Variants in HMGXB4 observed in about 807,000 individuals in gnomAD.
HMGXB4 encodes HMG domain-containing protein 4.
Under a neutral mutation model 63.9 loss-of-function variants are expected in HMGXB4, and 27 were observed. That is an observed-to-expected ratio of 0.42 (90% confidence interval 0.31 to 0.58). The LOEUF is 0.58. Among genes scored for constraint, HMGXB4 ranks in the 20% least tolerant of loss-of-function variants. The probability of loss-of-function intolerance (pLI) is 0.13; values close to 1 mark genes in which losing one functional copy is unlikely to be tolerated. For synonymous variants in HMGXB4, 264 were observed against 265.3 expected, an observed-to-expected ratio of 0.99 and a Z score of 0.05; for missense variants, 624 against 700.7, an observed-to-expected ratio of 0.89 and a Z score of 1.24.
intron 2 of HMGXB4, chr22:35,262,769 T>C: frequency 2.0e-6 from 1 of 512,674 alleles, no homozygotes; most frequent in South Asian, 2.4e-5. Context: ...ATCCTTATTC[T>C]TTTCAGCCTT....
At chr22:35,248,009 T>C in the HMGXB4 span, among the ~76,000 whole-genome samples, 1 of 152,146 alleles carries the variant, frequency 6.6e-6, no homozygotes, top group Admixed American at 6.5e-5. Context: ...GGATACATGG[T>C]ATGGCCTATT....
At chr22:35,243,449 A>G in the HMGXB4 span, among the ~76,000 whole-genome samples, 1 of 152,220 alleles carries the variant, frequency 6.6e-6, no homozygotes. Flanking sequence ...TTTACCAGCT[A>G]TCTGGGCATC....
At chr22:35,257,689 C>T (rs1922516730) in intron 1 of HMGXB4, 132 bp downstream of exon 1, 2 of 152,366 alleles carry the variant, frequency 1.3e-5, no homozygotes. Context: ...CCTTCGCGGC[C>T]TAGCCCAGGG....
At position 35,263,337 on chromosome 22, in the gene HMGXB4, G is replaced by A. The variant is rs201805032; in HGVS notation, c.180+111G>A. ...TTTCTCTCATGGCCCAGGCTTGAAT[G>A]CAATGGCACAATCTCTGCTCACTGC... is the stretch of plus-strand genomic sequence containing the variant. On this transcript the variant is annotated intron_variant, in intron 3 of 10. Transcript: ENST00000216106. 99 of 812,446 alleles carry A rather than the reference G, an allele frequency of 1.2e-4. 1 individual carries two copies. In the East Asian group the frequency reaches 2.7e-3, roughly 22 times the overall value. The allele number at this position is 812,446 out of a possible 1,614,324, so 50.3% of individuals were successfully genotyped here. A position where few individuals can be genotyped will look rare whatever the true frequency, so the allele number is the denominator to read the frequency against.
At chr22:35,257,590 CT>C (rs1922503524) in intron 1 of HMGXB4, 33 bp downstream of exon 1, 1 of 152,522 alleles carries the variant, frequency 6.6e-6, no homozygotes, top group Non-Finnish European at 1.5e-5. Context: ...GGAGACCGGG[CT>C]GGGCCCCCAC....
At chr22:35,283,324 A>C (rs931058538) in intron 5 of HMGXB4, among the ~76,000 whole-genome samples, 3 of 152,234 alleles carry the variant, frequency 2.0e-5, no homozygotes, top group Admixed American at 2.0e-4. Context: ...AGAAAAATAG[A>C]CACCCCAGGA....
At chr22:35,263,424 C>T (rs1922994809) in intron 3 of HMGXB4, among the ~76,000 whole-genome samples, 198 bp downstream of exon 3, 3 of 151,928 alleles carry the variant, frequency 2.0e-5, no homozygotes, top group East Asian at 1.9e-4. Flanking sequence ...GCTGGAATTA[C>T]AGGCGCGGGC....
chr22:35,260,877 A>G (rs73883579), intron 1 of HMGXB4, among the ~76,000 whole-genome samples: 173 of 152,308 alleles, frequency 1.1e-3, no homozygotes, highest in African/African-American at 4.0e-3. Flanking sequence ...TTGTTAATCA[A>G]ATTCATCTTT....
At position 35,265,223 on chromosome 22, in the gene HMGXB4, A is replaced by G. The variant is rs753726655; in HGVS notation, c.835A>G (p.Ser279Gly). 1.9e-6 allele frequency: 3 copies of G among 1,614,170 alleles called. No individual in the cohort carries two copies. Among genetic ancestry groups the G allele is most frequent in the Admixed American group, 3.3e-5 (2 of 60,020 alleles). Residue 279 changes from serine to glycine, a missense_variant, in exon 5 of 11, where the codon AGT (serine) becomes GGT (glycine). Coordinates refer to ENST00000216106, the MANE Select transcript of HMGXB4 (RefSeq NM_001003681.3). ...SDASQFAESH[S>G]ANLDLSGLEP... ...CGCCTCCCAGTTCGCAGAGTCCCAC[A>G]GTGCTAACCTTGATCTTTCAGGGCT...
At chr22:35,273,063 C>T (rs988739006) in intron 5 of HMGXB4, among the ~76,000 whole-genome samples, 1 of 152,166 alleles carries the variant, frequency 6.6e-6, no homozygotes, top group African/African-American at 2.4e-5. Flanking sequence ...GCCTGGCACA[C>T]CCAGACATTG....
Position 35,265,249 on chromosome 22 carries a change from T to G in HMGXB4, c.861T>G (p.Leu287=). 1.2e-6 allele frequency: 2 copies of G among 1,614,066 alleles called. No individual in the cohort carries two copies. The highest frequency in any genetic ancestry group is 1.7e-6 in the Non-Finnish European group (2 of 1,180,018). The part of the protein sequence containing the change: ...SHSANLDLSG[L]EPILVESDSS... ...GTGCTAACCTTGATCTTTCAGGGCT[T>G]GAACCTATTCTGGTAGAATCAGACT... Residue 287 remains leucine, a synonymous_variant, in exon 5 of 11, where the codon CTT becomes CTG. Transcript: ENST00000216106.
At position 35,289,396 on chromosome 22, in the gene HMGXB4, G is replaced by C. The variant is rs548835309; in HGVS notation, c.1638+989G>C. Among the ~76,000 whole-genome samples, 131 of 152,188 alleles carry C rather than the reference G, an allele frequency of 8.6e-4. 1 individual carries two copies. The highest frequency in any genetic ancestry group is 3.1e-3 in the African/African-American group (127 of 41,520). On this transcript the variant is annotated intron_variant, in intron 9 of 10. Transcript: ENST00000216106. ...ATTGCTTGAGCCCAGGAGCTCAAAG[G>C]CTGCAGTAAGCTATGATTGCTGCAC...
At chr22:35,274,686 A>G (rs1241309296) in intron 5 of HMGXB4, among the ~76,000 whole-genome samples, 2 of 152,262 alleles carry the variant, frequency 1.3e-5, no homozygotes, top group Non-Finnish European at 2.9e-5. Flanking sequence ...AGCCACGCTC[A>G]TTTCAATATA....
At chr22:35,265,827 C>T (rs1432690088) in intron 5 of HMGXB4, among the ~76,000 whole-genome samples, 5 of 151,020 alleles carry the variant, frequency 3.3e-5, no homozygotes, top group Admixed American at 1.3e-4. Context: ...CGCTCTGTCG[C>T]CCAGGCTGGA....
At chr22:35,262,104 G>T in intron 1 of HMGXB4, 2 of 367,380 alleles carry the variant, frequency 5.4e-6, no homozygotes, top group Non-Finnish European at 9.9e-6. Context: ...TTCCCCAAAT[G>T]ACAACTTTAA....
chr22:35,293,840 T>C lies in HMGXB4; in HGVS notation c.*189T>C. On this transcript the variant is annotated 3_prime_UTR_variant, in exon 11 of 11. Transcript: ENST00000216106. ...TGTAACTACTTTGCTTTTAATAATT[T>C]TATGAAATGGCAAAGGTTTAGCCAA... 1 of 341,176 alleles carries C rather than the reference T, an allele frequency of 2.9e-6. No individual in the cohort carries two copies. Among genetic ancestry groups the C allele is most frequent in the Middle Eastern group, 7.5e-4 (1 of 1,338 alleles). The allele number at this position is 341,176 out of a possible 1,614,324, so 21.1% of individuals were successfully genotyped here.
rs545787652 is a variant in HMGXB4, at chr22:35,294,242, T to A, written c.*591T>A. ...TTCATTCCAATTCCTACTGTATAGG[T>A]GTCTGTGTCTCAAAATTTATTGTAA... On this transcript the variant is annotated 3_prime_UTR_variant, in exon 11 of 11. Transcript: ENST00000216106. 6.6e-6 allele frequency: 1 copy of A among 152,412 alleles called. No homozygotes were observed. Among genetic ancestry groups the A allele is most frequent in the East Asian group, 1.9e-4 (1 of 5,184 alleles). The allele number at this position is 152,412 out of a possible 1,614,324, so 9.4% of individuals were successfully genotyped here. A position where few individuals can be genotyped will look rare whatever the true frequency, so the allele number is the denominator to read the frequency against.
At chr22:35,288,569 C>T (rs1481751789) in intron 9 of HMGXB4, among the ~76,000 whole-genome samples, 162 bp downstream of exon 9, 3 of 152,204 alleles carry the variant, frequency 2.0e-5, no homozygotes, top group African/African-American at 7.2e-5. Context: ...ATGATAATAA[C>T]AGAAATATCT....
At chr22:35,247,933 A>C in the HMGXB4 span, among the ~76,000 whole-genome samples, 1 of 152,172 alleles carries the variant, frequency 6.6e-6, no homozygotes, top group Non-Finnish European at 1.5e-5. Context: ...AGGTGATTTT[A>C]TTGTTATGCA....
Sources: gnomAD v4.1 joint callset for allele counts (sites outside exome capture counted in the v4.1 genomes callset) on GRCh38, gnomAD v4.1.1 for gene constraint, MANE v1.5 for transcripts, NCBI Gene and HGNC (gene_info 2026-07-23, HGNC 2026-07-21) for gene names.